GALNT15: variants seen among roughly 807,000 people sequenced by gnomAD.
The protein encoded by GALNT15 is UDP-GalNAc transferase T15.
In GALNT15, 67 loss-of-function variants were observed where a neutral mutation model predicts 66.8. The observed-to-expected ratio is 1.00, with a 90% CI of 0.82 to 1.23. The LOEUF (loss-of-function observed/expected upper bound fraction) is 1.23. GALNT15 is among the 50% of genes most tolerant of loss of function. The pLI is 0.00. For synonymous variants in GALNT15, 313 were observed against 311.5 expected, an observed-to-expected ratio of 1.00 and a Z score of -0.05; for missense variants, 827 against 804.3, an observed-to-expected ratio of 1.03 and a Z score of -0.34.
At position 16,224,632 on chromosome 3, in the gene GALNT15, C is replaced by CTTT. The variant is rs34368462; in HGVS notation, c.1773+1892_1773+1894dup. ...TTTAACACTATTGTAGTAGGCTATT[C>CTTT]TTTTTTTTTTTTTTTTTTTTAAAGA... On this transcript the variant is annotated intron_variant, in intron 9 of 9. Coordinates refer to ENST00000339732, the MANE Select transcript of GALNT15 (RefSeq NM_054110.5). This position sits in a 1 kb window ranked among gnomAD's most constrained non-coding sequence, Gnocchi z 5.2. Among the ~76,000 whole-genome samples the CTTT allele has an allele frequency of 1.5e-5, 2 of 131,956 alleles. No homozygotes were observed. Among genetic ancestry groups the CTTT allele is most frequent in the South Asian group, 2.5e-4 (1 of 3,994 alleles). The allele number at this position is 131,956 out of a possible 152,430, so 86.6% of individuals were successfully genotyped here. A position where few individuals can be genotyped will look rare whatever the true frequency, so the allele number is the denominator to read the frequency against.
Position 16,228,442 on chromosome 3 carries a change from AC to A in GALNT15, c.*944del. ...GATCACCTGATGTCAGGGGTTTGAG[AC>A]CAGCCTGGTCAACATTGCAAAACCT... On this transcript the variant is annotated 3_prime_UTR_variant, in exon 10 of 10. Coordinates refer to ENST00000339732, the MANE Select transcript of GALNT15 (RefSeq NM_054110.5). 1.4e-6 allele frequency: 1 copy of A among 718,606 alleles called. No individual in the cohort carries two copies. Among genetic ancestry groups the A allele is most frequent in the South Asian group, 6.2e-5 (1 of 16,040 alleles). 44.5% of individuals were successfully genotyped at this position (718,606 alleles called of 1,614,324 possible).
chr3:16,241,695 C>A, the GALNT15 span, among the ~76,000 whole-genome samples: 3 of 152,144 alleles, frequency 2.0e-5, no homozygotes, highest in Non-Finnish European at 4.4e-5. This position sits in a 1 kb window ranked among gnomAD's most constrained non-coding sequence, Gnocchi z 4.6. Context: ...ATTACAGGCA[C>A]CTGCCATCAT....
chr3:16,230,287 G>A (rs9876616), downstream of GALNT15, among the ~76,000 whole-genome samples: 4,720 of 152,230 alleles, frequency 0.031, 236 homozygotes, highest in African/African-American at 0.11. This position sits in a 1 kb window ranked among gnomAD's most constrained non-coding sequence, Gnocchi z 4.5. Context: ...TATCCTTCCT[G>A]GAGAGTGCCT....
the GALNT15 span, among the ~76,000 whole-genome samples, chr3:16,245,010 C>A: frequency 6.6e-6 from 1 of 152,236 alleles, no homozygotes; most frequent in African/African-American, 2.4e-5. Context: ...TCTCTGAAGG[C>A]AGAGTTACTC....
the GALNT15 span, among the ~76,000 whole-genome samples, chr3:16,244,879 T>C: frequency 6.6e-6 from 1 of 152,302 alleles, no homozygotes; most frequent in East Asian, 1.9e-4. Flanking sequence ...AAACCTCTGG[T>C]GCCTGTATCA....
intron 4 of GALNT15, among the ~76,000 whole-genome samples, 170 bp from the exon 5 acceptor site, chr3:16,210,954 T>C (rs2063806836): frequency 6.6e-6 from 1 of 152,228 alleles, no homozygotes; most frequent in Admixed American, 6.5e-5. Flanking sequence ...CTGGGATTTC[T>C]GACATCGTGG....
rs769550008 is a variant in GALNT15, at chr3:16,175,545, A to G, written c.394A>G (p.Lys132Glu). ...QPRRQDKEAPKRDWGADEDGE... is the reference protein window; with the variant it reads ...QPRRQDKEAPERDWGADEDGE... ...AAGGAGGCAGGATAAGGAAGCCCCA[A>G]AGAGGGACTGGGGGGCTGATGAGGA... Residue 132 changes from lysine (K) to glutamate (E), a missense_variant, in exon 1 of 10, where the codon AAG (lysine) becomes GAG (glutamate). Coordinates refer to ENST00000339732, the MANE Select transcript of GALNT15 (RefSeq NM_054110.5). This position sits in a 1 kb window ranked among gnomAD's most constrained non-coding sequence, Gnocchi z 5.6. 2.5e-6 allele frequency: 4 copies of G among 1,614,028 alleles called. No individual in the cohort carries two copies. The East Asian group carries it at 6.7e-5, about 27-fold the overall frequency.
chr3:16,200,863 T>C lies in GALNT15; in HGVS notation c.911+40T>C. 6.6e-7 allele frequency: 1 copy of C among 1,509,726 alleles called. No homozygotes were observed. The highest frequency in any genetic ancestry group is 9.0e-7 in the Non-Finnish European group (1 of 1,110,906). 93.5% of individuals were successfully genotyped at this position (1,509,726 alleles called of 1,614,324 possible). ...GGGCTTGCAAAGCAAGACATGGAAC[T>C]GGGAGAAACAGTCTACAGCATCAGC... On this transcript the variant is annotated intron_variant, in intron 3 of 9. Coordinates refer to ENST00000339732, the MANE Select transcript of GALNT15 (RefSeq NM_054110.5). The surrounding 1 kb of genome is among the most constrained non-coding windows in gnomAD (Gnocchi z 4.4).
the GALNT15 span, among the ~76,000 whole-genome samples, chr3:16,240,579 T>G: frequency 6.6e-6 from 1 of 152,234 alleles, no homozygotes; most frequent in South Asian, 2.1e-4. Context: ...TAAATAACAA[T>G]CTTTTTCAAA....
downstream of GALNT15, among the ~76,000 whole-genome samples, chr3:16,232,467 T>TA (rs56338627): frequency 6.8e-5 from 3 of 43,912 alleles, no homozygotes; most frequent in African/African-American, 2.6e-4. Context: ...AATAAATAAA[T>TA]AAATATATAT....
intron 6 of GALNT15, among the ~76,000 whole-genome samples, chr3:16,217,163 A>G (rs1374728706): frequency 6.6e-6 from 1 of 152,242 alleles, no homozygotes; most frequent in Non-Finnish European, 1.5e-5. Flanking sequence ...TGAGTATACT[A>G]TAAAATGAAA....
At chr3:16,196,086 G>A (rs1439871856) in intron 2 of GALNT15, 160 bp downstream of exon 2, 2 of 686,038 alleles carry the variant, frequency 2.9e-6, no homozygotes, top group Non-Finnish European at 4.8e-6. Flanking sequence ...TGAATGAAGA[G>A]CCACTGGGGA....
chr3:16,217,544 CTCCA>C (rs1458303757), intron 6 of GALNT15, among the ~76,000 whole-genome samples: 1 of 152,170 alleles, frequency 6.6e-6, no homozygotes, highest in African/African-American at 2.4e-5. Context: ...ATTTCTATTT[CTCCA>C]TCCACCCCAA....
intron 1 of GALNT15, among the ~76,000 whole-genome samples, chr3:16,178,982 C>T (rs2063442306): frequency 6.6e-6 from 1 of 152,232 alleles, no homozygotes; most frequent in African/African-American, 2.4e-5. Context: ...TTGTCCTTTC[C>T]CCCCTGCCCA....
intron 2 of GALNT15, among the ~76,000 whole-genome samples, chr3:16,199,653 T>C (rs2063677762): frequency 6.7e-6 from 1 of 149,918 alleles, no homozygotes; most frequent in African/African-American, 2.5e-5. Context: ...GCTGAACAAA[T>C]ATGTGGTTTC....
chr3:16,211,036 G>A lies in GALNT15; in HGVS notation c.1080-88G>A. On this transcript the variant is annotated intron_variant, in intron 4 of 9. Transcript: ENST00000339732. This position sits in a 1 kb window ranked among gnomAD's most constrained non-coding sequence, Gnocchi z 4.3. ...AAAGCCTGTTCTCTCAGCCACTGGA[G>A]CTCCCACCTGGGAAGCCCCAGCCCC... 1.1e-6 allele frequency: 1 copy of A among 887,998 alleles called. No individual in the cohort carries two copies. The highest frequency in any genetic ancestry group is 1.9e-6 in the Non-Finnish European group (1 of 535,980). 55.0% of individuals were successfully genotyped at this position (887,998 alleles called of 1,614,324 possible). A position where few individuals can be genotyped will look rare whatever the true frequency, so the allele number is the denominator to read the frequency against.
chr3:16,244,858 G>T, the GALNT15 span, among the ~76,000 whole-genome samples: 1 of 152,184 alleles, frequency 6.6e-6, no homozygotes, highest in East Asian at 1.9e-4. Context: ...GTTCAGTAAG[G>T]TATGGCGGAG....
rs968366589 is a variant in GALNT15 at position 16,195,521 on chromosome 3, A to G, written c.540-239A>G. Among the ~76,000 whole-genome samples, 3 of 152,196 alleles carry G rather than the reference A, an allele frequency of 2.0e-5. No individual in the cohort carries two copies. The highest frequency in any genetic ancestry group is 1.9e-4 in the East Asian group (1 of 5,198). ...ATGACGGCAACGCTTCTCAATTGCAATGAGAGGGACTTTGGATTAAATGAT... is the reference window on the plus strand; with the variant it reads ...ATGACGGCAACGCTTCTCAATTGCAGTGAGAGGGACTTTGGATTAAATGAT... On this transcript the variant is annotated intron_variant, in intron 1 of 9. Coordinates refer to ENST00000339732, the MANE Select transcript of GALNT15 (RefSeq NM_054110.5). This position sits in a 1 kb window ranked among gnomAD's most constrained non-coding sequence, Gnocchi z 4.6.
chr3:16,207,419 C>A (rs760851897), intron 3 of GALNT15, among the ~76,000 whole-genome samples: 11 of 147,402 alleles, frequency 7.5e-5, no homozygotes, highest in African/African-American at 1.0e-4. Context: ...TCCTGGGACA[C>A]CTGAGTGATT....
Sources: allele counts gnomAD v4.1 joint callset (sites outside exome capture counted in the v4.1 genomes callset), GRCh38; gene constraint gnomAD v4.1.1; non-coding constraint Gnocchi (gnomAD v3.1); transcripts MANE v1.5; gene names NCBI Gene and HGNC (gene_info 2026-07-23, HGNC 2026-07-21).